CHIC2: variants seen among roughly 807,000 people sequenced by gnomAD.
CHIC2 encodes the protein cysteine-rich hydrophobic domain-containing protein 2.
In CHIC2, 14 loss-of-function variants were observed where a neutral mutation model predicts 25.9. That is an observed-to-expected ratio of 0.54 (90% CI 0.36 to 0.85). The LOEUF (loss-of-function observed/expected upper bound fraction) is 0.85, where lower values mean the gene tolerates loss of function less well. Ranked by LOEUF, CHIC2 falls within the 40% of genes least tolerant of loss-of-function variation. CHIC2 has a pLI of 0.01. For missense variants in CHIC2, 146 were observed against 202.0 expected (o/e 0.72, Z 1.68); for synonymous variants, 70 against 72.0 (o/e 0.97, Z 0.14).
the CHIC2 span, among the ~76,000 whole-genome samples, chr4:54,088,471 G>C: frequency 6.6e-6 from 1 of 152,168 alleles, no homozygotes; most frequent in Admixed American, 6.5e-5. Context: ...CAGTAAGAAA[G>C]TGTCTTTGGA....
chr4:54,070,623 G>A, the CHIC2 span, among the ~76,000 whole-genome samples: 7 of 151,878 alleles, frequency 4.6e-5, no homozygotes, highest in African/African-American at 7.3e-5. Context: ...GGGTTTCACC[G>A]TGTTGGCCAG....
the CHIC2 span, among the ~76,000 whole-genome samples, chr4:54,085,492 A>G: frequency 6.6e-6 from 1 of 152,246 alleles, no homozygotes; most frequent in African/African-American, 2.4e-5. Context: ...GAGTAATACA[A>G]TGACTAAGAC....
upstream of CHIC2, chr4:54,064,679 G>A: frequency 9.7e-7 from 1 of 1,026,112 alleles, no homozygotes; most frequent in Non-Finnish European, 1.2e-6. The surrounding 1 kb of genome is among the most constrained non-coding windows in gnomAD (Gnocchi z 4.2). Context: ...GCCAACGGGC[G>A]GGCGGGCGCG....
chr4:54,010,561 C>T (rs1338525458), intron 5 of CHIC2, among the ~76,000 whole-genome samples: 3 of 152,062 alleles, frequency 2.0e-5, no homozygotes, highest in Non-Finnish European at 2.9e-5. Flanking sequence ...TCTTTAAACC[C>T]AACAACTTTT....
chr4:54,084,283 A>G, the CHIC2 span, among the ~76,000 whole-genome samples: 1 of 152,168 alleles, frequency 6.6e-6, no homozygotes, highest in African/African-American at 2.4e-5. Flanking sequence ...ACTGTCTCCT[A>G]TTTCCAGAAG....
At chr4:54,031,652 T>A (rs899118141) in intron 3 of CHIC2, among the ~76,000 whole-genome samples, 1 of 131,498 alleles carries the variant, frequency 7.6e-6, no homozygotes, top group Non-Finnish European at 1.6e-5. Context: ...AGAGTCTCAC[T>A]ATGTAGCCTT....
At chr4:54,073,576 A>C in the CHIC2 span, among the ~76,000 whole-genome samples, 1 of 152,106 alleles carries the variant, frequency 6.6e-6, no homozygotes, top group Admixed American at 6.6e-5. Context: ...GCCACCCTAA[A>C]ATTGGATCCT....
At chr4:54,058,549 T>TACACACAC (rs35335887) in intron 1 of CHIC2, among the ~76,000 whole-genome samples, 3 of 126,922 alleles carry the variant, frequency 2.4e-5, no homozygotes, top group Non-Finnish European at 5.1e-5. Context: ...CATACACACA[T>TACACACAC]ACACACACAT....
chr4:54,081,607 T>A, the CHIC2 span, among the ~76,000 whole-genome samples: 6 of 152,316 alleles, frequency 3.9e-5, no homozygotes, highest in African/African-American at 1.4e-4. Context: ...CAAATGAGTA[T>A]AAATTTTACC....
intron 1 of CHIC2, among the ~76,000 whole-genome samples, chr4:54,050,206 T>C (rs1341200055): frequency 6.6e-6 from 1 of 152,094 alleles, no homozygotes; most frequent in Non-Finnish European, 1.5e-5. Context: ...ACGAGACCAA[T>C]TTTACTTTTA....
the CHIC2 span, among the ~76,000 whole-genome samples, chr4:54,078,370 T>A: frequency 6.6e-6 from 1 of 152,336 alleles, no homozygotes; most frequent in East Asian, 1.9e-4. Flanking sequence ...AGTTCCACAA[T>A]CTTTTCTAAT....
the CHIC2 span, among the ~76,000 whole-genome samples, chr4:54,091,531 C>A: frequency 6.6e-6 from 1 of 152,182 alleles, no homozygotes; most frequent in African/African-American, 2.4e-5. Flanking sequence ...TGCTCCCAAA[C>A]ACGCTTCACT....
chr4:54,085,275 T>A, the CHIC2 span, among the ~76,000 whole-genome samples: 1 of 152,242 alleles, frequency 6.6e-6, no homozygotes, highest in South Asian at 2.1e-4. Context: ...TAGGTTACTA[T>A]GATAAATTCT....
the CHIC2 span, chr4:54,086,907 T>C: frequency 1.6e-6 from 1 of 614,922 alleles, no homozygotes; most frequent in Non-Finnish European, 3.0e-6. Flanking sequence ...AGATTGTTGG[T>C]TGGAATAAAA....
intron 3 of CHIC2, among the ~76,000 whole-genome samples, chr4:54,026,441 A>G (rs554922131): frequency 5.3e-5 from 8 of 151,640 alleles, no homozygotes; most frequent in African/African-American, 1.7e-4. Flanking sequence ...AACTGCTTGA[A>G]CCCGGGAGGT....
At chr4:54,016,234 T>C (rs1318960160) in intron 3 of CHIC2, among the ~76,000 whole-genome samples, 4 of 152,042 alleles carry the variant, frequency 2.6e-5, no homozygotes, top group Admixed American at 2.0e-4. Flanking sequence ...TACTTATTAC[T>C]TAAAGAAAAA....
At chr4:54,076,153 G>A in the CHIC2 span, among the ~76,000 whole-genome samples, 1 of 152,002 alleles carries the variant, frequency 6.6e-6, no homozygotes, top group Non-Finnish European at 1.5e-5. Context: ...GGTAGGCGTG[G>A]TAAGGCACAG....
At chr4:54,010,463 C>T in intron 5 of CHIC2, among the ~76,000 whole-genome samples, 1 of 152,114 alleles carries the variant, frequency 6.6e-6, no homozygotes, top group East Asian at 1.9e-4. Flanking sequence ...AACATGCATA[C>T]ATGCACGCTC....
chr4:54,072,374 T>A, the CHIC2 span, among the ~76,000 whole-genome samples: 3 of 152,082 alleles, frequency 2.0e-5, no homozygotes, highest in African/African-American at 7.2e-5. Flanking sequence ...TTAGCTCTCT[T>A]CACTACCATC....
Sources: gnomAD v4.1 joint callset for allele counts (sites outside exome capture counted in the v4.1 genomes callset) on GRCh38, gnomAD v4.1.1 for gene constraint, Gnocchi (gnomAD v3.1) non-coding constraint, MANE v1.5 for transcripts, NCBI Gene and HGNC (gene_info 2026-07-23, HGNC 2026-07-21) for gene names.